The following RNLS variants were observed in gnomAD, a reference collection of about 807,000 sequenced individuals.
The protein encoded by RNLS is renalase, FAD dependent amine oxidase.
A neutral mutation model predicts 39.8 loss-of-function variants in RNLS; 39 were observed. That is an observed-to-expected ratio of 0.98 (90% CI 0.76 to 1.28). RNLS has a LOEUF of 1.28. Among genes scored for constraint, RNLS ranks in the 50% most tolerant of loss-of-function variants. RNLS has a pLI of 0.00. For missense variants in RNLS, 410 were observed against 413.3 expected (o/e 0.99, Z 0.07); for synonymous variants, 147 against 150.7 (o/e 0.98, Z 0.18).
the RNLS span, among the ~76,000 whole-genome samples, chr10:88,187,178 A>AAGATATATAAT: frequency 7.8e-6 from 1 of 127,440 alleles, no homozygotes; most frequent in African/African-American, 2.9e-5. Flanking sequence ...ATATATATAT[A>AAGATATATAAT]ATATATATAA....
chr10:88,281,857 A>G (rs1291717322), downstream of RNLS, among the ~76,000 whole-genome samples: 1 of 152,090 alleles, frequency 6.6e-6, no homozygotes, highest in Non-Finnish European at 1.5e-5. Flanking sequence ...TTTTTCTGAG[A>G]ATGTAGAATT....
chr10:88,580,428 T>C (rs368587870), intron 3 of RNLS, among the ~76,000 whole-genome samples: 1 of 152,168 alleles, frequency 6.6e-6, no homozygotes, highest in South Asian at 2.1e-4. Flanking sequence ...TAAGTAATAT[T>C]TGATGATAAA....
the RNLS span, among the ~76,000 whole-genome samples, chr10:88,261,863 C>G: frequency 6.6e-6 from 1 of 151,982 alleles, no homozygotes; most frequent in Non-Finnish European, 1.5e-5. Context: ...TGCCAAAAGC[C>G]CAAAGAACTG....
the RNLS span, among the ~76,000 whole-genome samples, chr10:88,171,946 A>C: frequency 6.6e-6 from 1 of 152,188 alleles, no homozygotes; most frequent in East Asian, 1.9e-4. Context: ...CACTTAACAC[A>C]ATGTCCTCCA....
chr10:88,446,285 T>C (rs1219978300), intron 4 of RNLS, among the ~76,000 whole-genome samples: 1 of 152,092 alleles, frequency 6.6e-6, no homozygotes, highest in African/African-American at 2.4e-5. Flanking sequence ...AGACACAACA[T>C]ACCAGAATCT....
At chr10:88,474,807 T>C (rs968317232) in intron 4 of RNLS, among the ~76,000 whole-genome samples, 1 of 152,188 alleles carries the variant, frequency 6.6e-6, no homozygotes, top group African/African-American at 2.4e-5. Context: ...TGCCAAGCTC[T>C]AAGCACTGAT....
At chr10:88,332,084 T>G (rs1450280090) in intron 5 of RNLS, among the ~76,000 whole-genome samples, 1 of 152,212 alleles carries the variant, frequency 6.6e-6, no homozygotes. Context: ...CTACTGCTGG[T>G]CCCAGGTCAA....
chr10:88,492,120 A>G (rs1029663415), intron 4 of RNLS, among the ~76,000 whole-genome samples: 11 of 152,142 alleles, frequency 7.2e-5, no homozygotes, highest in Admixed American at 3.9e-4. Flanking sequence ...CGTGTTACAT[A>G]TTTTGAGGGA....
At chr10:88,410,013 G>C (rs548224296) in intron 4 of RNLS, among the ~76,000 whole-genome samples, 9 of 152,104 alleles carry the variant, frequency 5.9e-5, no homozygotes, top group Non-Finnish European at 8.8e-5. Context: ...AGCAGCCACA[G>C]ACAATGTGTA....
At chr10:88,268,555 G>T in the RNLS span, among the ~76,000 whole-genome samples, 2 of 152,178 alleles carry the variant, frequency 1.3e-5, no homozygotes, top group Admixed American at 1.3e-4. Flanking sequence ...AATGAATCAG[G>T]ATGGCTTAAG....
At chr10:88,464,466 T>A (rs889005312) in intron 4 of RNLS, among the ~76,000 whole-genome samples, 1 of 152,086 alleles carries the variant, frequency 6.6e-6, no homozygotes, top group African/African-American at 2.4e-5. Context: ...GAAAAATCAC[T>A]TGGAAGCAGA....
At chr10:88,296,395 A>G (rs7086211) in intron 6 of RNLS, among the ~76,000 whole-genome samples, 23,550 of 151,878 alleles carry the variant, frequency 0.16, 1,999 homozygotes, top group East Asian at 0.37. Flanking sequence ...TCTGCATTTC[A>G]TCTCCCATTC....
downstream of RNLS, among the ~76,000 whole-genome samples, chr10:88,273,626 A>G (rs1323938756): frequency 6.6e-6 from 1 of 152,234 alleles, no homozygotes; most frequent in Non-Finnish European, 1.5e-5. Context: ...TATCATAACT[A>G]ATGCTTAAAT....
intron 3 of RNLS, among the ~76,000 whole-genome samples, chr10:88,573,761 A>C (rs1288446118): frequency 6.6e-6 from 1 of 152,212 alleles, no homozygotes; most frequent in African/African-American, 2.4e-5. Flanking sequence ...AAGGCCCATG[A>C]GCTACAAATT....
At chr10:88,381,200 T>A (rs1224928756) in intron 4 of RNLS, among the ~76,000 whole-genome samples, 1 of 152,188 alleles carries the variant, frequency 6.6e-6, no homozygotes, top group Non-Finnish European at 1.5e-5. Context: ...ACAGCCTTGC[T>A]TTGACTTAAT....
chr10:88,407,823 C>T (rs1853384214), intron 4 of RNLS, among the ~76,000 whole-genome samples: 1 of 152,104 alleles, frequency 6.6e-6, no homozygotes, highest in Admixed American at 6.6e-5. Flanking sequence ...ATGGAAATCT[C>T]TTTGTGTGCA....
intron 4 of RNLS, among the ~76,000 whole-genome samples, chr10:88,514,949 G>T (rs1450564467): frequency 6.6e-6 from 1 of 152,064 alleles, no homozygotes; most frequent in East Asian, 1.9e-4. Context: ...TTAATTTTTG[G>T]AGGAAACTCC....
chr10:88,265,708 T>A, the RNLS span, among the ~76,000 whole-genome samples: 1 of 152,230 alleles, frequency 6.6e-6, no homozygotes, highest in African/African-American at 2.4e-5. Flanking sequence ...TTTTGTATCC[T>A]CTAACTTTGC....
At chr10:88,475,283 C>T (rs766335376) in intron 4 of RNLS, among the ~76,000 whole-genome samples, 18 of 152,114 alleles carry the variant, frequency 1.2e-4, no homozygotes, top group Non-Finnish European at 1.8e-4. Flanking sequence ...CCAACCGAGC[C>T]GCTTTAATGT....
Sources: gnomAD v4.1 joint callset for allele counts (sites outside exome capture counted in the v4.1 genomes callset) on GRCh38, gnomAD v4.1.1 for gene constraint, MANE v1.5 for transcripts, NCBI Gene and HGNC (gene_info 2026-07-23, HGNC 2026-07-21) for gene names.